The following NCOR1 variants were observed in gnomAD, a reference collection of about 807,000 sequenced individuals.
NCOR1 encodes nuclear receptor corepressor 1.
Under a neutral mutation model 288.1 loss-of-function variants are expected in NCOR1, and 63 were observed. The ratio of observed to expected loss-of-function variants is 0.22; its 90% CI spans 0.18 to 0.27. The LOEUF (loss-of-function observed/expected upper bound fraction) is 0.27, where lower values mean the gene tolerates loss of function less well. Among genes scored for constraint, NCOR1 ranks in the 10% least tolerant of loss-of-function variants. NCOR1 has a pLI of 1.00. For synonymous variants in NCOR1, 1,007 were observed against 1,065.9 expected (o/e 0.94, Z 1.08); for missense variants, 2,397 against 3,019.2 (o/e 0.79, Z 4.83).
rs763120484 is a variant in NCOR1 at position 16,165,194 on chromosome 17, T to C, written c.436-33A>G. ...GAATAAAACCAAGAAAAACAATTTATTTCTCACTAATAGAGTCCAGATTGC... is the reference window on the plus strand; with the variant it reads ...GAATAAAACCAAGAAAAACAATTTACTTCTCACTAATAGAGTCCAGATTGC... On this transcript the variant is annotated intron_variant, in intron 4 of 45. Transcript: ENST00000268712. The C allele has an allele frequency of 7.1e-6, 11 of 1,553,706 alleles. No homozygotes were observed. In the South Asian group the frequency reaches 1.1e-4, roughly 16 times the overall value.
chr17:16,173,352 C>T (rs902787338), intron 3 of NCOR1, among the ~76,000 whole-genome samples: 2 of 152,038 alleles, frequency 1.3e-5, no homozygotes, highest in Admixed American at 6.6e-5. Flanking sequence ...AGGAACAAGA[C>T]AAAGATGACT....
At chr17:16,068,268 A>AATATGAAAATGTAAACAAC (rs953872952) in intron 31 of NCOR1, 147 bp from the exon 32 acceptor site, 6 of 671,850 alleles carry the variant, frequency 8.9e-6, no homozygotes, top group South Asian at 7.8e-5. Context: ...AATATTGCAA[A>AATATGAAAATGTAAACAAC]ATATGAAAAT....
At chr17:16,212,934 G>A (rs925631835) in intron 1 of NCOR1, among the ~76,000 whole-genome samples, 2 of 151,460 alleles carry the variant, frequency 1.3e-5, no homozygotes, top group East Asian at 1.9e-4. Flanking sequence ...TTAACCAGGC[G>A]TGGTGGCCTG....
intron 34 of NCOR1, 41 bp downstream of exon 34, chr17:16,064,829 T>A: frequency 6.7e-7 from 1 of 1,491,740 alleles, no homozygotes; most frequent in Non-Finnish European, 9.0e-7. Context: ...AATGTAAACA[T>A]GATGGTTCTA....
At position 16,127,574 on chromosome 17, in the gene NCOR1, T is replaced by TACATATGTGCATATATGTATGTATAC. The variant is rs1568205827; in HGVS notation, c.1510-1369_1510-1368insGTATACATACATATATGCACATATGT. Among the ~76,000 whole-genome samples the TACATATGTGCATATATGTATGTATAC allele has an allele frequency of 1.2e-4, 17 of 138,000 alleles. 1 individual carries two copies. The highest frequency in any genetic ancestry group is 3.8e-4 in the African/African-American group (13 of 33,992). 90.5% of individuals were successfully genotyped at this position (138,000 alleles called of 152,430 possible). On this transcript the variant is annotated intron_variant, in intron 14 of 45. Transcript: ENST00000268712. Reference sequence around the variant, plus strand: ...ACACATGTGTATATATGTATGTATATATACATATGTGTATATATGTATGTA... The same window carrying TACATATGTGCATATATGTATGTATAC: ...ACACATGTGTATATATGTATGTATATACATATGTGCATATATGTATGTATACATACATATGTGTATATATGTATGTA...
intron 23 of NCOR1, among the ~76,000 whole-genome samples, 165 bp downstream of exon 23, chr17:16,086,117 A>C: frequency 6.6e-6 from 1 of 152,214 alleles, no homozygotes; most frequent in East Asian, 1.9e-4. Context: ...GATTTGTGGC[A>C]AGAGTACAGT....
chr17:16,155,256 C>T (rs768695043), intron 6 of NCOR1, among the ~76,000 whole-genome samples: 27 of 150,436 alleles, frequency 1.8e-4, no homozygotes, highest in African/African-American at 4.2e-4. Context: ...GAGGCTGAGG[C>T]GGGAGAATCA....
chr17:16,056,304 T>G (rs1304416193), intron 40 of NCOR1, among the ~76,000 whole-genome samples: 2 of 144,070 alleles, frequency 1.4e-5, no homozygotes, highest in Non-Finnish European at 3.0e-5. Flanking sequence ...AGCATTCTTT[T>G]TATCTTTTTT....
intron 26 of NCOR1, among the ~76,000 whole-genome samples, chr17:16,077,574 GA>G (rs2062741892): frequency 2.7e-5 from 1 of 37,640 alleles, no homozygotes; most frequent in Non-Finnish European, 6.3e-5. Context: ...GGAGAGGGGG[GA>G]GGGGAGGGGG....
Position 16,090,958 on chromosome 17 carries a change from A to G in NCOR1, c.3016+905T>C, listed in dbSNP as rs2065071729. 2.0e-5 allele frequency among the ~76,000 whole-genome samples: 3 copies of G among 152,208 alleles called. No homozygotes were observed. The South Asian group carries it at 6.2e-4, about 31-fold the overall frequency. ...ACTATTTCAGTATTCTGATATTCTA[A>G]GCATATCGTAGCATATAAGTAGACT... On this transcript the variant is annotated intron_variant, in intron 22 of 45. Coordinates refer to ENST00000268712, the MANE Select transcript of NCOR1 (RefSeq NM_006311.4).
intron 22 of NCOR1, among the ~76,000 whole-genome samples, chr17:16,089,500 C>A (rs1436969892): frequency 6.6e-6 from 1 of 151,954 alleles, no homozygotes; most frequent in African/African-American, 2.4e-5. Flanking sequence ...TTAAAACAGG[C>A]ATACCTACAG....
At position 16,125,701 on chromosome 17, in the gene NCOR1, C is replaced by CAA. The variant is rs71353771; in HGVS notation, c.1634+379_1634+380dup. Among the ~76,000 whole-genome samples, 150 of 82,246 alleles carry CAA rather than the reference C, an allele frequency of 1.8e-3. 1 individual carries two copies. The highest frequency in any genetic ancestry group is 2.4e-3 in the Non-Finnish European group (101 of 42,418). 54.0% of individuals were successfully genotyped at this position (82,246 alleles called of 152,430 possible). A position where few individuals can be genotyped will look rare whatever the true frequency, so the allele number is the denominator to read the frequency against. On this transcript the variant is annotated intron_variant, in intron 15 of 45. Coordinates refer to ENST00000268712, the MANE Select transcript of NCOR1 (RefSeq NM_006311.4). ...TGGGCAACAGAGCGAGACGCCATCA[C>CAA]AAAAAAAAAAAAAAAAAAAAACTAT...
intron 15 of NCOR1, among the ~76,000 whole-genome samples, chr17:16,122,374 T>C (rs550816302): frequency 6.6e-6 from 1 of 152,366 alleles, no homozygotes; most frequent in South Asian, 2.1e-4. Flanking sequence ...CCTTTCCCTT[T>C]ACTTACTTAT....
chr17:16,091,263 C>T (rs2065132114), intron 22 of NCOR1, among the ~76,000 whole-genome samples: 1 of 152,206 alleles, frequency 6.6e-6, no homozygotes, highest in Non-Finnish European at 1.5e-5. Flanking sequence ...TAAAATAATG[C>T]AGAGCCACCT....
intron 9 of NCOR1, among the ~76,000 whole-genome samples, chr17:16,148,621 A>G (rs2078351092): frequency 6.7e-6 from 1 of 149,198 alleles, no homozygotes; most frequent in Non-Finnish European, 1.5e-5. Context: ...GGAAAAAAAA[A>G]TACATGAGCT....
At chr17:16,069,376 C>G (rs188942047) in intron 31 of NCOR1, among the ~76,000 whole-genome samples, 69 of 152,308 alleles carry the variant, frequency 4.5e-4, no homozygotes, top group African/African-American at 1.6e-3. Context: ...CTACGCCCCT[C>G]ACACCCGCCA....
At chr17:16,118,925 C>T (rs905746228) in intron 17 of NCOR1, among the ~76,000 whole-genome samples, 1 of 152,198 alleles carries the variant, frequency 6.6e-6, no homozygotes, top group African/African-American at 2.4e-5. Context: ...CTCAAACCTT[C>T]GCTGGCCTGG....
intron 41 of NCOR1, 50 bp downstream of exon 41, chr17:16,048,795 C>T (rs2152471851): frequency 2.0e-6 from 3 of 1,506,690 alleles, no homozygotes; most frequent in East Asian, 2.4e-5. Flanking sequence ...AATGTTAAAG[C>T]ATGAGCACCC....
intron 5 of NCOR1, 93 bp from the exon 6 acceptor site, chr17:16,158,966 G>T: frequency 1.3e-6 from 1 of 745,986 alleles, no homozygotes. Context: ...ACTAAGCTTT[G>T]CTTGCAGATT....
Sources: gnomAD v4.1 joint callset for allele counts (sites outside exome capture counted in the v4.1 genomes callset) on GRCh38, gnomAD v4.1.1 for gene constraint, MANE v1.5 for transcripts, NCBI Gene and HGNC (gene_info 2026-07-23, HGNC 2026-07-21) for gene names.